The following RAB40C variants were observed in gnomAD, a reference collection of about 807,000 sequenced individuals.
The protein encoded by RAB40C is RAB40C, member RAS oncogene family.
A neutral mutation model predicts 28.1 loss-of-function variants in RAB40C; 8 were observed. The ratio of observed to expected loss-of-function variants is 0.28; its 90% CI spans 0.17 to 0.51. The LOEUF (loss-of-function observed/expected upper bound fraction) is 0.51. Ranked by LOEUF, RAB40C falls within the 20% of genes least tolerant of loss-of-function variation. The pLI, the probability that RAB40C is intolerant of heterozygous loss-of-function variation, is 0.97. For synonymous variants in RAB40C, 201 were observed against 171.7 expected (o/e 1.17, Z -1.34); for missense variants, 288 against 405.9 (o/e 0.71, Z 2.50).
At chr16:624,907 T>C in intron 3 of RAB40C, 2 of 1,281,080 alleles carry the variant, frequency 1.6e-6, no homozygotes, top group Non-Finnish European at 2.0e-6. Flanking sequence ...CTCTAAGGGA[T>C]GTGGCAAAAA....
chr16:590,172 A>C lies in RAB40C; in HGVS notation c.-120A>C. 2.9e-6 allele frequency: 2 copies of C among 690,510 alleles called. No homozygotes were observed. The highest frequency in any genetic ancestry group is 3.6e-6 in the Non-Finnish European group (2 of 559,918). 42.8% of individuals were successfully genotyped at this position (690,510 alleles called of 1,614,324 possible). On this transcript the variant is annotated 5_prime_UTR_variant, in exon 1 of 6. Transcript: ENST00000248139. ...CCGGCGCTGGGCTTCGGGCGCGCCC[A>C]CTCGGCCGCCGTGGGGCGGACGCAA...
At chr16:589,711 G>C (rs2035946949), upstream of RAB40C, 2 of 152,160 alleles carry the variant, frequency 1.3e-5, no homozygotes. Context: ...AATGATCTTG[G>C]TGAACTTATA....
Position 590,262 on chromosome 16 carries a change from C to A in RAB40C, c.-30C>A. 1.4e-6 allele frequency: 2 copies of A among 1,436,722 alleles called. No homozygotes were observed. The highest frequency in any genetic ancestry group is 1.8e-6 in the Non-Finnish European group (2 of 1,092,148). 89.0% of individuals were successfully genotyped at this position (1,436,722 alleles called of 1,614,324 possible). A position where few individuals can be genotyped will look rare whatever the true frequency, so the allele number is the denominator to read the frequency against. On this transcript the variant is annotated 5_prime_UTR_variant, in exon 1 of 6. Transcript: ENST00000248139. ...CCTCACCCGGCGGTGCTTCGGCAGGCGGCCGGCGCGGGGCGCAGGCGGCGC... is the reference window on the plus strand; with the variant it reads ...CCTCACCCGGCGGTGCTTCGGCAGGAGGCCGGCGCGGGGCGCAGGCGGCGC...
At chr16:625,112 C>T in intron 3 of RAB40C, 2 of 1,325,540 alleles carry the variant, frequency 1.5e-6, no homozygotes, top group South Asian at 1.2e-5. Context: ...AGCTGCACGT[C>T]CCCCGGCTGC....
intron 1 of RAB40C, among the ~76,000 whole-genome samples, chr16:597,653 A>G (rs1041521983): frequency 2.0e-5 from 3 of 151,588 alleles, no homozygotes; most frequent in African/African-American, 7.3e-5. Flanking sequence ...CACCTGGCTA[A>G]TTTTTTACAT....
At chr16:618,606 G>A (rs1022090905) in intron 3 of RAB40C, among the ~76,000 whole-genome samples, 25 of 151,280 alleles carry the variant, frequency 1.7e-4, no homozygotes, top group African/African-American at 5.3e-4. Context: ...TGTGTGTGCA[G>A]CCATGTGCAC....
chr16:594,654 G>T (rs1195684028), intron 1 of RAB40C, among the ~76,000 whole-genome samples: 1 of 152,090 alleles, frequency 6.6e-6, no homozygotes, highest in Non-Finnish European at 1.5e-5. Context: ...CTTATCCCCA[G>T]GGCTAGCTGA....
At chr16:596,546 C>A (rs986902033) in intron 1 of RAB40C, 2 of 332,918 alleles carry the variant, frequency 6.0e-6, no homozygotes, top group East Asian at 1.8e-4. Flanking sequence ...GGAAAGGTGT[C>A]GGCGTCCAGC....
chr16:608,145 G>C lies in RAB40C; in HGVS notation c.143-9063G>C, dbSNP rs371890595. ...ACTCACAGTTCCGCATGGCTGCAGA[G>C]GCCTCAGGAAATTTACAGTCATGGC... is the stretch of plus-strand genomic sequence containing the variant. On this transcript the variant is annotated intron_variant, in intron 1 of 5. Coordinates refer to ENST00000248139, the MANE Select transcript of RAB40C (RefSeq NM_021168.5). Among the ~76,000 whole-genome samples, 12 of 152,310 alleles carry C rather than the reference G, an allele frequency of 7.9e-5. 1 individual carries two copies. Among genetic ancestry groups the C allele is most frequent in the East Asian group, 7.7e-4 (4 of 5,180 alleles).
Position 627,364 on chromosome 16 carries a change from C to T in RAB40C, c.588C>T (p.Cys196=). 6.2e-7 allele frequency: 1 copy of T among 1,613,442 alleles called. No homozygotes were observed. Reference sequence around the variant, plus strand: ...CAGTGTTCAGCCTGCAGGACCTCTGCTGCCGGGCCATCGTCTCCTGCACCC... The same window carrying T: ...CAGTGTTCAGCCTGCAGGACCTCTGTTGCCGGGCCATCGTCTCCTGCACCC... ...PNRVFSLQDL[C]CRAIVSCTPV... is the part of the protein sequence containing the mutation. Residue 196 remains cysteine (C), a synonymous_variant, in exon 6 of 6, where the codon TGC becomes TGT. Coordinates refer to ENST00000248139, the MANE Select transcript of RAB40C (RefSeq NM_021168.5).
chr16:617,054 G>A (rs778626563), intron 1 of RAB40C, 154 bp from the exon 2 acceptor site: 12 of 782,646 alleles, frequency 1.5e-5, no homozygotes, highest in Admixed American at 8.9e-5. Flanking sequence ...CCAGAGCCCC[G>A]AGATTTCCCC....
Position 627,409 on chromosome 16 carries a change from G to C in RAB40C, c.633G>C (p.Lys211Asn). 1.9e-6 allele frequency: 3 copies of C among 1,613,960 alleles called. No homozygotes were observed. The highest frequency in any genetic ancestry group is 2.5e-6 in the Non-Finnish European group (3 of 1,180,016). The stretch of plus-strand genomic sequence containing the variant: ...GCACCCCCGTGCACCTCATCGACAA[G>C]CTTCCACTGCCCGTCACCATCAAGA... ...VSCTPVHLID[K>N]LPLPVTIKSH... Residue 211 changes from lysine to asparagine, a missense_variant, in exon 6 of 6, where the codon AAG (lysine) becomes AAC (asparagine). By Grantham distance (94) the Lys-to-Asn change is moderately conservative (BLOSUM62 0). Around this residue, in one of 3 missense-constraint regions of RAB40C, gnomAD observed 153 missense variants for 262.4 expected, o/e 0.58. Transcript: ENST00000248139.
intron 1 of RAB40C, among the ~76,000 whole-genome samples, chr16:592,656 G>T (rs1203727852): frequency 2.0e-5 from 3 of 152,256 alleles, no homozygotes; most frequent in African/African-American, 7.2e-5. Flanking sequence ...CTCCAGGGGC[G>T]CTGCGCACTC....
rs138855752 is a variant in RAB40C, at chr16:626,118, C to T, written c.562C>T (p.Arg188Ter). The T allele has an allele frequency of 1.9e-6, 3 of 1,612,374 alleles. No homozygotes were observed. Among genetic ancestry groups the T allele is most frequent in the Admixed American group, 1.7e-5 (1 of 60,014 alleles). ...HGMEKIWRPN[R>*]VFSLQDLCCR... The stretch of plus-strand genomic sequence containing the variant: ...CATGGAGAAGATCTGGAGGCCCAAC[C>T]GAGGTGGGTGGGCGGGCGCCGGCCA... The change falls in exon 5 of 6, where the codon CGA becomes TGA. Residue 188 changes from arginine to a stop codon, truncating the protein, a stop_gained. Coordinates refer to ENST00000248139, the MANE Select transcript of RAB40C (RefSeq NM_021168.5). LOFTEE classifies it high-confidence loss of function.
intron 3 of RAB40C, among the ~76,000 whole-genome samples, chr16:623,477 G>A (rs568920341): frequency 4.6e-5 from 7 of 151,842 alleles, no homozygotes; most frequent in Non-Finnish European, 7.4e-5. Context: ...GTGAAACCCT[G>A]TCTCTACTAA....
At chr16:627,291 A>G in intron 5 of RAB40C, 51 bp from the exon 6 acceptor site, 3 of 1,551,702 alleles carry the variant, frequency 1.9e-6, no homozygotes, top group Non-Finnish European at 1.8e-6. Context: ...CTCCCTGCAC[A>G]GGGCCTCCTC....
intron 1 of RAB40C, among the ~76,000 whole-genome samples, chr16:601,901 G>A (rs1395461196): frequency 6.6e-6 from 1 of 151,626 alleles, no homozygotes; most frequent in African/African-American, 2.4e-5. Flanking sequence ...GCCGAGGTGG[G>A]TGGATCACGA....
In RAB40C at chr16:613,118, C is replaced by T. The variant is rs1235327043; in HGVS notation, c.143-4090C>T. ...TGTAGAATCAAGAGCAAGGGACAGC[C>T]GCCCTGGCCTGTAGAATCAAGAGCA... On this transcript the variant is annotated intron_variant, in intron 1 of 5. Transcript: ENST00000248139. Among the ~76,000 whole-genome samples the T allele has an allele frequency of 4.8e-5, 6 of 125,542 alleles. No individual in the cohort carries two copies. The East Asian group carries it at 7.0e-4, about 15-fold the overall frequency. The allele number at this position is 125,542 out of a possible 152,430, so 82.4% of individuals were successfully genotyped here. A position where few individuals can be genotyped will look rare whatever the true frequency, so the allele number is the denominator to read the frequency against.
In RAB40C at chr16:608,326, C is replaced by T. The variant is rs141130105; in HGVS notation, c.143-8882C>T. ...ATGATTTAATTATCTCCATCTGGCC[C>T]CGCCCTCAACCTGTGGGGATTAGTC... On this transcript the variant is annotated intron_variant, in intron 1 of 5. Coordinates refer to ENST00000248139, the MANE Select transcript of RAB40C (RefSeq NM_021168.5). 6.4e-3 allele frequency among the ~76,000 whole-genome samples: 975 copies of T among 152,314 alleles called. 9 individuals carry two copies. Among genetic ancestry groups the T allele is most frequent in the African/African-American group, 0.022 (923 of 41,564 alleles).
Sources: gnomAD v4.1 joint callset for allele counts (sites outside exome capture counted in the v4.1 genomes callset) on GRCh38, gnomAD v4.1.1 for gene constraint, gnomAD v4.1.1 regional missense constraint, MANE v1.5 for transcripts, NCBI Gene and HGNC (gene_info 2026-07-23, HGNC 2026-07-21) for gene names.